The following JMY variants were observed in gnomAD, a reference collection of about 807,000 sequenced individuals.
JMY encodes the protein junction-mediating and -regulatory protein.
In JMY, 46 loss-of-function variants were observed where a neutral mutation model predicts 103.3. The ratio of observed to expected loss-of-function variants is 0.45; its 90% CI spans 0.35 to 0.57. JMY has a LOEUF of 0.57. Ranked by LOEUF, JMY falls within the 20% of genes least tolerant of loss-of-function variation. The pLI is 0.00. For missense variants in JMY, 1,238 were observed against 1,255.2 expected (o/e 0.99, Z 0.21); for synonymous variants, 526 against 489.3 (o/e 1.07, Z -0.99).
At chr5:79,243,392 A>G (rs964961814) in intron 1 of JMY, among the ~76,000 whole-genome samples, 43 of 152,354 alleles carry the variant, frequency 2.8e-4, no homozygotes, top group African/African-American at 9.6e-4. Context: ...CCAGCAAGCC[A>G]TGACCCATGA....
chr5:79,280,432 G>A (rs190998409), intron 2 of JMY, among the ~76,000 whole-genome samples: 1 of 152,354 alleles, frequency 6.6e-6, no homozygotes, highest in East Asian at 1.9e-4. Flanking sequence ...TTCCTGGGAA[G>A]TAGAATGTAG....
intron 9 of JMY, 59 bp downstream of exon 9, chr5:79,314,910 T>C: frequency 6.9e-7 from 1 of 1,449,210 alleles, no homozygotes; most frequent in Non-Finnish European, 9.2e-7. Context: ...AGTAAAAAAC[T>C]ATATTTTTTG....
At chr5:79,287,500 G>A (rs774636245) in intron 2 of JMY, among the ~76,000 whole-genome samples, 1 of 152,120 alleles carries the variant, frequency 6.6e-6, no homozygotes, top group Non-Finnish European at 1.5e-5. Context: ...TCAGTTAAAG[G>A]CTGGGCATGG....
At chr5:79,296,110 G>A (rs542704386) in intron 4 of JMY, among the ~76,000 whole-genome samples, 3 of 152,168 alleles carry the variant, frequency 2.0e-5, no homozygotes, top group Non-Finnish European at 4.4e-5. Flanking sequence ...AGAAAGGTAA[G>A]ATAGAGCATA....
chr5:79,285,280 GC>G lies in JMY; in HGVS notation c.1207-4835del, dbSNP rs200682113. On this transcript the variant is annotated intron_variant, in intron 2 of 10. Coordinates refer to ENST00000396137, the MANE Select transcript of JMY (RefSeq NM_152405.5). The stretch of plus-strand genomic sequence containing the variant: ...TGTGAAATAGAAAACTGCACCCCCT[GC>G]CCCCCACCCGCCCACTGCCAGTCAC... Among the ~76,000 whole-genome samples the G allele has an allele frequency of 9.5e-3, 1,434 of 151,264 alleles. 26 individuals carry two copies. Among genetic ancestry groups the G allele is most frequent in the African/African-American group, 0.033 (1,364 of 41,186 alleles).
chr5:79,257,246 T>C (rs1050202111), intron 1 of JMY, among the ~76,000 whole-genome samples: 14 of 151,938 alleles, frequency 9.2e-5, no homozygotes, highest in Non-Finnish European at 1.9e-4. Context: ...CTAAGTTCCA[T>C]ACTTCTTTCT....
At position 79,327,081 on chromosome 5, in the gene JMY, A is replaced by AGT. The variant is rs1379262641; in HGVS notation, c.*5480_*5481dup. 1 of 152,180 alleles carries AGT rather than the reference A, an allele frequency of 6.6e-6. No individual in the cohort carries two copies. Among genetic ancestry groups the AGT allele is most frequent in the East Asian group, 1.9e-4 (1 of 5,198 alleles). 9.4% of individuals were successfully genotyped at this position (152,180 alleles called of 1,614,324 possible). A position where few individuals can be genotyped will look rare whatever the true frequency, so the allele number is the denominator to read the frequency against. The stretch of plus-strand genomic sequence containing the variant: ...ATGTTTTTTACACTCATGACTTCAG[A>AGT]GTTAAGTACTTGTACACCAAGTATT... On this transcript the variant is annotated 3_prime_UTR_variant, in exon 11 of 11. Transcript: ENST00000396137.
At chr5:79,309,055 A>G (rs766087925) in intron 7 of JMY, among the ~76,000 whole-genome samples, 100 of 152,144 alleles carry the variant, frequency 6.6e-4, no homozygotes, top group Admixed American at 3.9e-3. Context: ...CTTTTTCTTA[A>G]TAATCTATAA....
At chr5:79,252,727 T>C (rs1163536055) in intron 1 of JMY, among the ~76,000 whole-genome samples, 2 of 152,234 alleles carry the variant, frequency 1.3e-5, no homozygotes, top group Non-Finnish European at 2.9e-5. Context: ...TCTTTGTCTC[T>C]AGTTGTTGTC....
chr5:79,292,515 C>T (rs183440506), intron 4 of JMY, among the ~76,000 whole-genome samples: 2 of 152,112 alleles, frequency 1.3e-5, no homozygotes, highest in African/African-American at 4.8e-5. Flanking sequence ...GAGACGAGGT[C>T]TCCCTATATT....
chr5:79,281,227 G>C (rs923377111), intron 2 of JMY, among the ~76,000 whole-genome samples: 1 of 151,432 alleles, frequency 6.6e-6, no homozygotes, highest in African/African-American at 2.4e-5. Context: ...TGTATTTTTA[G>C]TAGAGACGGG....
At chr5:79,271,919 G>C (rs1745796024) in intron 1 of JMY, among the ~76,000 whole-genome samples, 1 of 151,932 alleles carries the variant, frequency 6.6e-6, no homozygotes, top group Non-Finnish European at 1.5e-5. Context: ...GACCATCCAG[G>C]GGGCAACATG....
Position 79,277,924 on chromosome 5 carries a change from C to G in JMY, c.1047C>G (p.His349Gln), listed in dbSNP as rs1328602502. Residue 349 changes from histidine to glutamine, a missense_variant, in exon 2 of 11, where the codon CAC (histidine) becomes CAG (glutamine). Transcript: ENST00000396137. ...TTGTTCCACAGCTCTTGGATAAGCA[C>G]AAGAATACAGAGAGCATGGTGGAGC... ...RKRIQELLDK[H>Q]KNTESMVELL... 1 of 1,612,136 alleles carries G rather than the reference C, an allele frequency of 6.2e-7. No homozygotes were observed. The highest frequency in any genetic ancestry group is 2.2e-5 in the East Asian group (1 of 44,840).
intron 4 of JMY, among the ~76,000 whole-genome samples, chr5:79,297,754 A>T (rs1052778680): frequency 1.3e-5 from 2 of 151,982 alleles, no homozygotes; most frequent in Admixed American, 1.3e-4. Context: ...AGACTCCTTC[A>T]CTGCTTGTCT....
At chr5:79,257,218 G>A (rs1202854636) in intron 1 of JMY, among the ~76,000 whole-genome samples, 3 of 151,872 alleles carry the variant, frequency 2.0e-5, no homozygotes, top group African/African-American at 4.8e-5. Flanking sequence ...GATTACAGGC[G>A]TGAGCTACCA....
At chr5:79,297,783 G>A (rs1384616221) in intron 4 of JMY, among the ~76,000 whole-genome samples, 5 of 152,068 alleles carry the variant, frequency 3.3e-5, no homozygotes, top group Admixed American at 3.3e-4. Context: ...TGAGGTTTTG[G>A]TTATCTTTAG....
chr5:79,258,805 C>T (rs1013519731), intron 1 of JMY, among the ~76,000 whole-genome samples: 1 of 152,164 alleles, frequency 6.6e-6, no homozygotes, highest in Non-Finnish European at 1.5e-5. Flanking sequence ...TAGGTCTGGG[C>T]TCCCCAGAGG....
At chr5:79,316,395 C>T in intron 10 of JMY, 85 bp downstream of exon 10, 1 of 1,029,208 alleles carries the variant, frequency 9.7e-7, no homozygotes, top group Non-Finnish European at 1.4e-6. Flanking sequence ...TTTATTGAGC[C>T]TGAGGCATAT....
chr5:79,270,507 C>T (rs1437209537), intron 1 of JMY, among the ~76,000 whole-genome samples: 1 of 81,460 alleles, frequency 1.2e-5, no homozygotes, highest in Admixed American at 1.4e-4. Context: ...TATATATTTA[C>T]ATAAATATTT....
Sources: allele counts gnomAD v4.1 joint callset (sites outside exome capture counted in the v4.1 genomes callset), GRCh38; gene constraint gnomAD v4.1.1; transcripts MANE v1.5; gene names NCBI Gene and HGNC (gene_info 2026-07-23, HGNC 2026-07-21).